ZC3H3: variants seen among roughly 807,000 people sequenced by gnomAD.
ZC3H3 encodes zinc finger CCCH-type containing 3.
Under a neutral mutation model 77.3 loss-of-function variants are expected in ZC3H3, and 36 were observed. The observed-to-expected ratio is 0.47, with a 90% CI of 0.36 to 0.61. The LOEUF (loss-of-function observed/expected upper bound fraction) is 0.61, where lower values mean the gene tolerates loss of function less well. Ranked by LOEUF, ZC3H3 falls within the 20% of genes least tolerant of loss-of-function variation. The probability of loss-of-function intolerance (pLI) is 0.00; values close to 1 mark genes in which losing one functional copy is unlikely to be tolerated. For missense variants in ZC3H3, 1,331 were observed against 1,312.2 expected (o/e 1.01, Z -0.22); for synonymous variants, 626 against 555.2 (o/e 1.13, Z -1.79).
chr8:143,529,928 G>A (rs1822547151), intron 3 of ZC3H3, among the ~76,000 whole-genome samples: 1 of 152,172 alleles, frequency 6.6e-6, no homozygotes, highest in Non-Finnish European at 1.5e-5. Flanking sequence ...CCAGCCAGAG[G>A]TGGGTCCAAG....
intron 5 of ZC3H3, among the ~76,000 whole-genome samples, chr8:143,473,205 TCTC>T (rs1162246440): frequency 6.6e-6 from 1 of 151,758 alleles, no homozygotes; most frequent in African/African-American, 2.4e-5. Context: ...CCCCAACCCA[TCTC>T]CTCCCCCTGC....
In ZC3H3 at chr8:143,535,748, G is replaced by A. The variant is rs111885203; in HGVS notation, c.1561+509C>T. Among the ~76,000 whole-genome samples, 113 of 152,338 alleles carry A rather than the reference G, an allele frequency of 7.4e-4. 1 individual carries two copies. Among genetic ancestry groups the A allele is most frequent in the African/African-American group, 2.6e-3 (107 of 41,576 alleles). ...GCTCAGACCAGTTCTCTCCAGGCGT[G>A]ACTGGGCACACTTAGAGTGGTACAG... On this transcript the variant is annotated intron_variant, in intron 3 of 11. Transcript: ENST00000262577.
chr8:143,438,321 C>T (rs1362316703), intron 11 of ZC3H3, among the ~76,000 whole-genome samples: 1 of 152,096 alleles, frequency 6.6e-6, no homozygotes, highest in African/African-American at 2.4e-5. Context: ...GCTGTCTAGC[C>T]ATGGTGCAGG....
intron 4 of ZC3H3, among the ~76,000 whole-genome samples, chr8:143,485,263 A>G (rs1821021669): frequency 1.3e-5 from 2 of 152,162 alleles, no homozygotes; most frequent in Non-Finnish European, 1.5e-5. Flanking sequence ...GAAGAAGAAA[A>G]TGCAAATCTA....
chr8:143,468,124 C>G, intron 8 of ZC3H3, 85 bp downstream of exon 8: 1 of 1,499,736 alleles, frequency 6.7e-7, no homozygotes, highest in Non-Finnish European at 9.1e-7. Flanking sequence ...CCAGAGAAAG[C>G]TGTGGGCACC....
chr8:143,475,993 G>C (rs1385659671), intron 4 of ZC3H3, among the ~76,000 whole-genome samples: 1 of 152,218 alleles, frequency 6.6e-6, no homozygotes, highest in Non-Finnish European at 1.5e-5. Flanking sequence ...GCAGGGTAAG[G>C]GTCCCTGGGG....
At chr8:143,540,027 G>T (rs1822957120) in intron 1 of ZC3H3, among the ~76,000 whole-genome samples, 1 of 152,160 alleles carries the variant, frequency 6.6e-6, no homozygotes, top group Non-Finnish European at 1.5e-5. Flanking sequence ...CCCCACCACA[G>T]GCCCTGCCCC....
At chr8:143,443,630 AAAAC>A (rs1221986332) in intron 9 of ZC3H3, among the ~76,000 whole-genome samples, 1 of 152,254 alleles carries the variant, frequency 6.6e-6, no homozygotes, top group Non-Finnish European at 1.5e-5. Flanking sequence ...GAGGGAAAGA[AAAAC>A]AAAATAGGAA....
At chr8:143,471,355 C>T (rs773740563) in intron 5 of ZC3H3, among the ~76,000 whole-genome samples, 47 of 152,368 alleles carry the variant, frequency 3.1e-4, no homozygotes, top group Non-Finnish European at 5.3e-4. Context: ...ACAGGGCCTT[C>T]GTCACCCCAG....
chr8:143,450,870 T>G (rs557099314), intron 9 of ZC3H3, among the ~76,000 whole-genome samples: 2 of 152,246 alleles, frequency 1.3e-5, no homozygotes, highest in Admixed American at 6.5e-5. Context: ...CACATCACAC[T>G]GCTAGCTGTG....
At chr8:143,540,272 T>G (rs1199434873) in intron 1 of ZC3H3, among the ~76,000 whole-genome samples, 3 of 152,236 alleles carry the variant, frequency 2.0e-5, no homozygotes, top group African/African-American at 7.2e-5. Context: ...TTTTCTCTGT[T>G]GCCCAGGCTG....
intron 11 of ZC3H3, among the ~76,000 whole-genome samples, chr8:143,439,676 C>T (rs1324809821): frequency 6.6e-6 from 1 of 152,242 alleles, no homozygotes; most frequent in African/African-American, 2.4e-5. Flanking sequence ...CCGCTACACT[C>T]GCACCTTGGC....
chr8:143,506,490 T>C (rs541746302), intron 4 of ZC3H3, among the ~76,000 whole-genome samples: 18 of 152,220 alleles, frequency 1.2e-4, no homozygotes, highest in African/African-American at 4.3e-4. Flanking sequence ...GGAAGAAAAT[T>C]AGATCCACTT....
chr8:143,458,949 T>A (rs543137073), intron 9 of ZC3H3, among the ~76,000 whole-genome samples: 7 of 151,614 alleles, frequency 4.6e-5, no homozygotes, highest in Non-Finnish European at 8.8e-5. Flanking sequence ...AGCGAGACCT[T>A]GTTCTTCAAG....
intron 4 of ZC3H3, among the ~76,000 whole-genome samples, chr8:143,479,620 G>A (rs1165825800): frequency 1.3e-5 from 2 of 152,196 alleles, no homozygotes; most frequent in South Asian, 2.1e-4. Flanking sequence ...TGTAATGGGA[G>A]GCATGAACTT....
intron 4 of ZC3H3, among the ~76,000 whole-genome samples, chr8:143,478,216 C>T (rs1218753644): frequency 6.6e-6 from 1 of 152,206 alleles, no homozygotes; most frequent in African/African-American, 2.4e-5. Context: ...CAGGAGTGTC[C>T]CCCTGACTGA....
chr8:143,511,999 G>C (rs927082815), intron 3 of ZC3H3, among the ~76,000 whole-genome samples: 2 of 152,272 alleles, frequency 1.3e-5, no homozygotes, highest in South Asian at 4.1e-4. Flanking sequence ...AGGACGGCGT[G>C]GGGCCCACGA....
intron 3 of ZC3H3, among the ~76,000 whole-genome samples, chr8:143,518,439 G>A (rs970866951): frequency 6.6e-6 from 1 of 152,248 alleles, no homozygotes; most frequent in Non-Finnish European, 1.5e-5. Context: ...AAGACTCTTT[G>A]GAGAGAGTCC....
At chr8:143,490,690 G>A (rs1021566733) in intron 4 of ZC3H3, among the ~76,000 whole-genome samples, 7 of 152,330 alleles carry the variant, frequency 4.6e-5, no homozygotes, top group Admixed American at 3.3e-4. Flanking sequence ...CAAGGCAGGC[G>A]GATCACTTGA....
Sources: gnomAD v4.1 joint callset for allele counts (sites outside exome capture counted in the v4.1 genomes callset) on GRCh38, gnomAD v4.1.1 for gene constraint, MANE v1.5 for transcripts, NCBI Gene and HGNC (gene_info 2026-07-23, HGNC 2026-07-21) for gene names.